GLB1L3: variants seen among roughly 807,000 people sequenced by gnomAD.
GLB1L3 encodes beta-galactosidase-1-like protein 3.
GLB1L3 carries 89 observed loss-of-function variants against 89.5 expected under a neutral mutation model. That is an observed-to-expected ratio of 0.99 (90% CI 0.84 to 1.19). The LOEUF (loss-of-function observed/expected upper bound fraction) is 1.19. GLB1L3 is among the 50% of genes most tolerant of loss of function. The pLI, the probability that GLB1L3 is intolerant of heterozygous loss-of-function variation, is 0.00. For missense variants in GLB1L3, 812 were observed against 813.3 expected (o/e 1.00, Z 0.02); for synonymous variants, 314 against 312.3 (o/e 1.01, Z -0.06).
At chr11:134,308,554 CA>C (rs1942511024) in intron 10 of GLB1L3, among the ~76,000 whole-genome samples, 2 of 15,054 alleles carry the variant, frequency 1.3e-4, no homozygotes, top group Non-Finnish European at 3.2e-4. Flanking sequence ...TCACCATCAC[CA>C]TCACCACCAC....
intron 9 of GLB1L3, among the ~76,000 whole-genome samples, chr11:134,302,627 A>G (rs1942004702): frequency 6.6e-6 from 1 of 152,202 alleles, no homozygotes; most frequent in Non-Finnish European, 1.5e-5. Flanking sequence ...GTTACATGGA[A>G]TACTTTCTTT....
intron 17 of GLB1L3, 70 bp downstream of exon 17, chr11:134,314,098 G>A: frequency 9.3e-7 from 1 of 1,078,724 alleles, no homozygotes; most frequent in African/African-American, 1.6e-5. Context: ...ATTCCTCATT[G>A]CAGATAAAGA....
intron 9 of GLB1L3, among the ~76,000 whole-genome samples, chr11:134,304,556 C>T (rs1942096615): frequency 2.6e-5 from 4 of 152,030 alleles, no homozygotes; most frequent in Admixed American, 2.0e-4. Flanking sequence ...TCACTTTTCA[C>T]TCCTTTTCTT....
rs1941172082 is a variant in GLB1L3 at position 134,288,832 on chromosome 11, T to C, written c.671T>C (p.Val224Ala). The change falls in exon 7 of 20, where the codon GTG becomes GCG. Residue 224 changes from valine to alanine, a missense_variant. By Grantham distance (64) the Val-to-Ala change is moderately conservative (BLOSUM62 0). Transcript: ENST00000431683. The part of the protein sequence containing the change: ...RQAGPVIAVQ[V>A]ENEYGSFNKD... Reference sequence around the variant, plus strand: ...GCAGGCCCTGTCATCGCGGTGCAAGTGGAGAATGAGTATGGCTCATTCAAT... The same window carrying C: ...GCAGGCCCTGTCATCGCGGTGCAAGCGGAGAATGAGTATGGCTCATTCAAT... 5.6e-6 allele frequency: 9 copies of C among 1,613,518 alleles called. No homozygotes were observed. In the East Asian group the frequency reaches 2.0e-4, roughly 36 times the overall value.
intron 3 of GLB1L3, among the ~76,000 whole-genome samples, chr11:134,280,094 A>G (rs76939617): frequency 0.014 from 2,105 of 152,130 alleles, 138 homozygotes; most frequent in Admixed American, 0.11. Flanking sequence ...TAGTGCTTTG[A>G]ATGTCATTTA....
intron 9 of GLB1L3, among the ~76,000 whole-genome samples, chr11:134,296,576 G>A (rs1486661795): frequency 6.8e-6 from 1 of 146,926 alleles, no homozygotes; most frequent in Non-Finnish European, 1.5e-5. Context: ...ATCATTCTCA[G>A]TAAACTATCT....
At position 134,282,168 on chromosome 11, in the gene GLB1L3, C is replaced by G; in HGVS notation, c.527+48C>G. 4 of 1,501,424 alleles carry G rather than the reference C, an allele frequency of 2.7e-6. No individual in the cohort carries two copies. In the South Asian group the frequency reaches 5.2e-5, roughly 20 times the overall value. 93.0% of individuals were successfully genotyped at this position (1,501,424 alleles called of 1,614,324 possible). On this transcript the variant is annotated intron_variant, in intron 5 of 19. Coordinates refer to ENST00000431683, the MANE Select transcript of GLB1L3 (RefSeq NM_001080407.3). The stretch of plus-strand genomic sequence containing the variant: ...AGTCGTGGTTCTAGTGAAGTATTTG[C>G]TTTAAAAAAAGTGAATTTCAAGCTA...
At chr11:134,298,048 A>C (rs1360015456) in intron 9 of GLB1L3, among the ~76,000 whole-genome samples, 2 of 151,810 alleles carry the variant, frequency 1.3e-5, no homozygotes, top group East Asian at 3.9e-4. Context: ...TCTGATGAGA[A>C]GTCAGTATTA....
intron 12 of GLB1L3, 124 bp from the exon 13 acceptor site, chr11:134,310,940 T>C (rs1591586608): frequency 2.8e-6 from 2 of 722,020 alleles, no homozygotes; most frequent in Admixed American, 2.2e-5. Flanking sequence ...AAAGCTCTTA[T>C]ACCATGGATG....
At chr11:134,281,904 G>GGTGGGGCCGAGGC (rs1940709711) in intron 4 of GLB1L3, 121 bp from the exon 5 acceptor site, 1 of 776,360 alleles carries the variant, frequency 1.3e-6, no homozygotes, top group Admixed American at 2.7e-5. Context: ...ACGCTTTGGG[G>GGTGGGGCCGAGGC]GTGGGGCCGA....
rs1440121021 is a variant in GLB1L3, at chr11:134,314,442, G to A, written c.1779+1G>A. On this transcript the variant is annotated splice_donor_variant, in intron 18 of 19. Transcript: ENST00000431683. LOFTEE classifies it high-confidence loss of function. Reference sequence around the variant, plus strand: ...CAAGGACACCTTCCTGAGCCTGCTGGTAGGTGATGCCCTCTGCTGCCCTGG... The same window carrying A: ...CAAGGACACCTTCCTGAGCCTGCTGATAGGTGATGCCCTCTGCTGCCCTGG... 5.2e-6 allele frequency: 8 copies of A among 1,534,438 alleles called. No homozygotes were observed. Among genetic ancestry groups the A allele is most frequent in the Non-Finnish European group, 6.2e-6 (7 of 1,131,400 alleles).
chr11:134,296,797 T>A lies in GLB1L3; in HGVS notation c.876+3588T>A, dbSNP rs1432596675. On this transcript the variant is annotated intron_variant, in intron 9 of 19. Coordinates refer to ENST00000431683, the MANE Select transcript of GLB1L3 (RefSeq NM_001080407.3). The stretch of plus-strand genomic sequence containing the variant: ...CATGGCACATGTATACATATGTAAC[T>A]AACCTGCACATTGTGCACATGTACC... Among the ~76,000 whole-genome samples, 9 of 149,208 alleles carry A rather than the reference T, an allele frequency of 6.0e-5. No individual in the cohort carries two copies. The South Asian group carries it at 1.3e-3, about 21-fold the overall frequency.
chr11:134,321,946 T>C (rs1461388910), downstream of GLB1L3, among the ~76,000 whole-genome samples: 1 of 151,816 alleles, frequency 6.6e-6, no homozygotes, highest in Non-Finnish European at 1.5e-5. Context: ...TAGAAACACA[T>C]ATTAAGACAG....
chr11:134,318,766 T>C lies in GLB1L3; in HGVS notation c.1896+19T>C. On this transcript the variant is annotated intron_variant, in intron 19 of 19. Transcript: ENST00000431683. The stretch of plus-strand genomic sequence containing the variant: ...CAATGAGGTATGTCACTCCAGTCTC[T>C]GCCTTGAGATCTCATAAACTTTCAG... The C allele has an allele frequency of 6.4e-7, 1 of 1,562,298 alleles. No individual in the cohort carries two copies. Among genetic ancestry groups the C allele is most frequent in the South Asian group, 1.1e-5 (1 of 89,620 alleles).
At position 134,312,480 on chromosome 11, in the gene GLB1L3, C is replaced by G; in HGVS notation, c.1419C>G (p.Asp473Glu). Residue 473 changes from aspartate to glutamate, a missense_variant, in exon 14 of 20, where the codon GAC becomes GAG. Physicochemically the swap from Asp to Glu is conservative, Grantham distance 45. Transcript: ENST00000431683. Reference sequence around the variant, plus strand: ...GCCGCCTCCGTGCCCACGCTCATGACGTGGCACAGGTAGGGCCAGCAGGCT... The same window carrying G: ...GCCGCCTCCGTGCCCACGCTCATGAGGTGGCACAGGTAGGGCCAGCAGGCT... ...SGGRLRAHAH[D>E]VAQVFLDETM... 6.2e-7 allele frequency: 1 copy of G among 1,612,594 alleles called. No individual in the cohort carries two copies. The highest frequency in any genetic ancestry group is 8.5e-7 in the Non-Finnish European group (1 of 1,179,872).
downstream of GLB1L3, among the ~76,000 whole-genome samples, chr11:134,321,229 G>A (rs1240260162): frequency 6.6e-6 from 1 of 152,160 alleles, no homozygotes; most frequent in East Asian, 1.9e-4. Flanking sequence ...TAAGATTTCT[G>A]TAATTCTCAG....
At chr11:134,325,054 A>C in the GLB1L3 span, among the ~76,000 whole-genome samples, 7 of 152,206 alleles carry the variant, frequency 4.6e-5, 1 homozygote, top group East Asian at 1.9e-4. Flanking sequence ...TATGCTCTCC[A>C]CATTCACATG....
chr11:134,294,364 G>A (rs142800051), intron 9 of GLB1L3, among the ~76,000 whole-genome samples: 81 of 152,286 alleles, frequency 5.3e-4, no homozygotes, highest in Non-Finnish European at 1.0e-3. Context: ...CACTGCGCCT[G>A]GATTTTCATC....
chr11:134,318,047 G>T (rs1943054253), intron 18 of GLB1L3, among the ~76,000 whole-genome samples: 1 of 151,952 alleles, frequency 6.6e-6, no homozygotes, highest in African/African-American at 2.4e-5. Flanking sequence ...TTATGTTTTT[G>T]ATGCTTCTCT....
Sources: allele counts gnomAD v4.1 joint callset (sites outside exome capture counted in the v4.1 genomes callset), GRCh38; gene constraint gnomAD v4.1.1; transcripts MANE v1.5; gene names NCBI Gene and HGNC (gene_info 2026-07-23, HGNC 2026-07-21).